Variants in SLC36A1 observed in about 807,000 individuals in gnomAD.
SLC36A1 encodes the protein solute carrier family 36 member 1.
In SLC36A1, 30 loss-of-function variants were observed where a neutral mutation model predicts 47.5. That is an observed-to-expected ratio of 0.63 (90% CI 0.47 to 0.86). The LOEUF (loss-of-function observed/expected upper bound fraction) is 0.86, where lower values mean the gene tolerates loss of function less well. SLC36A1 is among the 40% of genes least tolerant of loss of function. The pLI, the probability that SLC36A1 is intolerant of heterozygous loss-of-function variation, is 0.00. For synonymous variants in SLC36A1, 255 were observed against 249.7 expected, an observed-to-expected ratio of 1.02 and a Z score of -0.20; for missense variants, 517 against 606.0, an observed-to-expected ratio of 0.85 and a Z score of 1.54.
At chr5:151,429,939 C>A in the SLC36A1 span, among the ~76,000 whole-genome samples, 1 of 152,114 alleles carries the variant, frequency 6.6e-6, no homozygotes, top group African/African-American at 2.4e-5. Context: ...TTCCAAGATT[C>A]AACGATACTC....
At chr5:151,495,426 G>C (rs1581246269), downstream of SLC36A1, among the ~76,000 whole-genome samples, 1 of 152,226 alleles carries the variant, frequency 6.6e-6, no homozygotes, top group Non-Finnish European at 1.5e-5. Flanking sequence ...GGGCTTCCCA[G>C]TGTTAACATC....
the SLC36A1 span, among the ~76,000 whole-genome samples, chr5:151,394,042 A>T: frequency 2.0e-5 from 3 of 152,224 alleles, no homozygotes; most frequent in Non-Finnish European, 4.4e-5. Context: ...AGGTACGCCA[A>T]TCAGACGTAG....
chr5:151,545,222 C>A, the SLC36A1 span: 1 of 1,614,166 alleles, frequency 6.2e-7, no homozygotes. Context: ...ACATCCTGAT[C>A]AAACTGCAAG....
chr5:151,554,468 G>T, the SLC36A1 span: 2 of 1,614,194 alleles, frequency 1.2e-6, no homozygotes, highest in Non-Finnish European at 1.7e-6. Context: ...GATACTGTAG[G>T]TGACTCTGCC....
At chr5:151,485,075 C>T (rs1484376831) in intron 10 of SLC36A1, among the ~76,000 whole-genome samples, 1 of 152,124 alleles carries the variant, frequency 6.6e-6, no homozygotes, top group Non-Finnish European at 1.5e-5. Flanking sequence ...GCTGTTTTGT[C>T]ATCAGCCTAC....
chr5:151,402,329 C>A, the SLC36A1 span, among the ~76,000 whole-genome samples: 2 of 152,086 alleles, frequency 1.3e-5, no homozygotes, highest in African/African-American at 4.8e-5. Context: ...AACCTTGCAT[C>A]CCAGGAATAA....
At chr5:151,408,864 A>G in the SLC36A1 span, among the ~76,000 whole-genome samples, 1 of 152,334 alleles carries the variant, frequency 6.6e-6, no homozygotes, top group East Asian at 1.9e-4. Context: ...ACTGGTTTCC[A>G]GGAAGGATTT....
chr5:151,551,607 C>T, the SLC36A1 span: 2 of 1,613,966 alleles, frequency 1.2e-6, no homozygotes, highest in Non-Finnish European at 1.7e-6. Flanking sequence ...TTATCCCCAC[C>T]TAGAGTGGGA....
intron 9 of SLC36A1, among the ~76,000 whole-genome samples, chr5:151,478,072 C>G (rs2127528789): frequency 6.6e-6 from 1 of 152,284 alleles, no homozygotes; most frequent in Admixed American, 6.5e-5. Context: ...TTTTTATTAT[C>G]TATTCATGGA....
At chr5:151,457,843 G>T (rs1368968748) in intron 1 of SLC36A1, among the ~76,000 whole-genome samples, 2 of 129,356 alleles carry the variant, frequency 1.5e-5, no homozygotes, top group Non-Finnish European at 3.2e-5. Flanking sequence ...CTTTTTTTTT[G>T]TTGTTTGTTT....
At chr5:151,538,883 A>G in the SLC36A1 span, among the ~76,000 whole-genome samples, 6,231 of 150,042 alleles carry the variant, frequency 0.042, 165 homozygotes, top group South Asian at 0.099. Flanking sequence ...ACGGGGTTTC[A>G]CCATGTTGGC....
rs140343371 is a variant in SLC36A1, at chr5:151,466,362, T to G, written c.420-837T>G. Reference sequence around the variant, plus strand: ...CTGTATAAGTAGAAACATACACATGTTCTTAAAGTTTTTTGCACAGATTGA... The same window carrying G: ...CTGTATAAGTAGAAACATACACATGGTCTTAAAGTTTTTTGCACAGATTGA... On this transcript the variant is annotated intron_variant, in intron 5 of 10. Transcript: ENST00000243389. 3.2e-3 allele frequency among the ~76,000 whole-genome samples: 487 copies of G among 152,318 alleles called. 1 individual carries two copies. Among genetic ancestry groups the G allele is most frequent in the African/African-American group, 0.011 (463 of 41,560 alleles).
chr5:151,505,993 G>A, the SLC36A1 span: 1 of 1,573,114 alleles, frequency 6.4e-7, no homozygotes, highest in South Asian at 1.2e-5. Context: ...GAGTGGCGGT[G>A]AGCCGAGGGC....
the SLC36A1 span, among the ~76,000 whole-genome samples, chr5:151,399,336 C>T: frequency 6.6e-6 from 1 of 151,984 alleles, no homozygotes; most frequent in East Asian, 1.9e-4. Flanking sequence ...ATCTGCCCAC[C>T]TCGGCCTCTC....
the SLC36A1 span, among the ~76,000 whole-genome samples, chr5:151,549,711 GT>G: frequency 5.0e-3 from 755 of 152,296 alleles, 7 homozygotes; most frequent in African/African-American, 0.018. Context: ...AGGCTCAGCT[GT>G]TTTAATGGAT....
the SLC36A1 span, among the ~76,000 whole-genome samples, chr5:151,375,308 G>A: frequency 2.6e-5 from 4 of 152,072 alleles, no homozygotes; most frequent in Non-Finnish European, 5.9e-5. Flanking sequence ...ATCATTTATT[G>A]AAAAGGGTAT....
At chr5:151,382,759 G>T in the SLC36A1 span, among the ~76,000 whole-genome samples, 1 of 152,222 alleles carries the variant, frequency 6.6e-6, no homozygotes, top group South Asian at 2.1e-4. Context: ...GTGACAACAT[G>T]AGTGAGTCAT....
At chr5:151,519,330 C>T in the SLC36A1 span, among the ~76,000 whole-genome samples, 1 of 152,172 alleles carries the variant, frequency 6.6e-6, no homozygotes, top group Admixed American at 6.5e-5. Context: ...AGTGACAGAG[C>T]GAGACTTCAT....
chr5:151,465,958 A>AG (rs10664114), intron 5 of SLC36A1, among the ~76,000 whole-genome samples: 2,115 of 151,536 alleles, frequency 0.014, 57 homozygotes, highest in African/African-American at 0.048. Flanking sequence ...AAAAAAAAAA[A>AG]GAACCACATT....
Sources: gnomAD v4.1 joint callset for allele counts (sites outside exome capture counted in the v4.1 genomes callset) on GRCh38, gnomAD v4.1.1 for gene constraint, MANE v1.5 for transcripts, NCBI Gene and HGNC (gene_info 2026-07-23, HGNC 2026-07-21) for gene names.